Variants in PLPP1 observed in about 807,000 individuals in gnomAD.
PLPP1 encodes the protein lipid phosphate phosphohydrolase 1a.
PLPP1 carries 24 observed loss-of-function variants against 31.2 expected under a neutral mutation model. The observed-to-expected ratio is 0.77, with a 90% CI of 0.56 to 1.08. The LOEUF is 1.08. Among genes scored for constraint, PLPP1 ranks in the 50% least tolerant of loss-of-function variants. PLPP1 has a pLI of 0.00. For missense variants in PLPP1, 319 were observed against 342.7 expected, an observed-to-expected ratio of 0.93 and a Z score of 0.55; for synonymous variants, 146 against 126.3, an observed-to-expected ratio of 1.16 and a Z score of -1.05.
chr5:55,457,387 G>A (rs1321911094), intron 3 of PLPP1, among the ~76,000 whole-genome samples: 1 of 152,018 alleles, frequency 6.6e-6, no homozygotes, highest in Non-Finnish European at 1.5e-5. Context: ...GTATATGGCA[G>A]CCAATTTATA....
At chr5:55,428,388 G>C (rs746001257) in intron 4 of PLPP1, among the ~76,000 whole-genome samples, 1 of 152,156 alleles carries the variant, frequency 6.6e-6, no homozygotes, top group African/African-American at 2.4e-5. Flanking sequence ...TTTCTGTAGA[G>C]CTCAAGAAAG....
At chr5:55,473,160 C>A (rs1171554504) in intron 2 of PLPP1, among the ~76,000 whole-genome samples, 1 of 152,136 alleles carries the variant, frequency 6.6e-6, no homozygotes, top group Non-Finnish European at 1.5e-5. Flanking sequence ...GACCCTACTC[C>A]CTCCTTAATG....
intron 2 of PLPP1, among the ~76,000 whole-genome samples, chr5:55,468,570 G>A (rs1273468425): frequency 1.4e-4 from 22 of 152,136 alleles, no homozygotes; most frequent in Admixed American, 1.4e-3. Context: ...GGGAGCCCGA[G>A]GGAGGTGGAT....
intron 3 of PLPP1, among the ~76,000 whole-genome samples, chr5:55,455,075 G>T (rs1751975153): frequency 6.6e-6 from 1 of 152,108 alleles, no homozygotes; most frequent in South Asian, 2.1e-4. Flanking sequence ...CATATATACT[G>T]CAAGTAAGCA....
chr5:55,439,750 G>A (rs552505191), intron 4 of PLPP1, among the ~76,000 whole-genome samples: 172 of 152,288 alleles, frequency 1.1e-3, no homozygotes, highest in Non-Finnish European at 1.9e-3. Flanking sequence ...TTACACAGAC[G>A]TTAATGGGTG....
chr5:55,459,282 A>C (rs929491749), intron 3 of PLPP1, among the ~76,000 whole-genome samples: 2 of 152,118 alleles, frequency 1.3e-5, no homozygotes, highest in African/African-American at 4.8e-5. Context: ...GCACGGCCAC[A>C]AGATAAAAAA....
In PLPP1 at chr5:55,425,973, G is replaced by GACCAA. The variant is rs1236420071; in HGVS notation, c.611_615dup (p.Ala208LeufsTer24). On this transcript the variant is annotated frameshift_variant, in exon 5 of 6. Coordinates refer to ENST00000307259, the MANE Select transcript of PLPP1 (RefSeq NM_003711.4). LOFTEE classifies it high-confidence loss of function. ...CCCACATAAATGGATACGGCAACAA[G>GACCAA]ACCAAATTGCAGTGTGGGGCGTAAG... 6.2e-7 allele frequency: 1 copy of GACCAA among 1,613,876 alleles called. No individual in the cohort carries two copies. The highest frequency in any genetic ancestry group is 1.1e-5 in the South Asian group (1 of 91,050).
At chr5:55,468,905 C>G (rs1181148539) in intron 2 of PLPP1, among the ~76,000 whole-genome samples, 1 of 152,098 alleles carries the variant, frequency 6.6e-6, no homozygotes, top group Non-Finnish European at 1.5e-5. Flanking sequence ...CTCAAATATT[C>G]CTTTGAATCA....
At chr5:55,493,041 G>A (rs1042902407) in intron 1 of PLPP1, among the ~76,000 whole-genome samples, 4 of 152,128 alleles carry the variant, frequency 2.6e-5, no homozygotes, top group Non-Finnish European at 5.9e-5. Flanking sequence ...GGCTGAGTAC[G>A]GTGGGTCACA....
intron 1 of PLPP1, among the ~76,000 whole-genome samples, chr5:55,533,763 A>G (rs1182582923): frequency 2.0e-5 from 3 of 152,216 alleles, no homozygotes; most frequent in Non-Finnish European, 4.4e-5. Flanking sequence ...TAAAAAGTGA[A>G]AACTACTCCT....
At chr5:55,527,245 G>A (rs1403864029) in intron 1 of PLPP1, among the ~76,000 whole-genome samples, 1 of 152,170 alleles carries the variant, frequency 6.6e-6, no homozygotes, top group Admixed American at 6.5e-5. Flanking sequence ...TATCCTTAAG[G>A]GGTAAAATGA....
chr5:55,491,538 A>G (rs540143840), intron 1 of PLPP1, among the ~76,000 whole-genome samples: 4 of 152,332 alleles, frequency 2.6e-5, no homozygotes, highest in South Asian at 2.1e-4. Context: ...AGTAATTAAT[A>G]TCATAACAAC....
intron 1 of PLPP1, among the ~76,000 whole-genome samples, chr5:55,527,989 C>T (rs1043209355): frequency 6.6e-6 from 1 of 152,130 alleles, no homozygotes; most frequent in Non-Finnish European, 1.5e-5. Flanking sequence ...TAATTCATTT[C>T]CCAGAAGCAC....
chr5:55,500,303 T>A (rs1753111779), intron 1 of PLPP1, among the ~76,000 whole-genome samples: 2 of 152,034 alleles, frequency 1.3e-5, no homozygotes, highest in Admixed American at 1.3e-4. Flanking sequence ...ATGGTCTTGA[T>A]CTCCTGACCT....
At chr5:55,429,693 C>T (rs1448171713) in intron 4 of PLPP1, among the ~76,000 whole-genome samples, 1 of 152,104 alleles carries the variant, frequency 6.6e-6, no homozygotes, top group Non-Finnish European at 1.5e-5. Context: ...CCAACAGCCC[C>T]TGCATATCCA....
intron 2 of PLPP1, among the ~76,000 whole-genome samples, chr5:55,468,764 T>C (rs2111790902): frequency 6.6e-6 from 1 of 152,176 alleles, no homozygotes; most frequent in African/African-American, 2.4e-5. Context: ...GATCATGCCA[T>C]TGTACTCCAG....
chr5:55,465,406 T>C (rs1752267606), intron 3 of PLPP1, among the ~76,000 whole-genome samples: 1 of 152,162 alleles, frequency 6.6e-6, no homozygotes, highest in South Asian at 2.1e-4. Context: ...TTAAAGGTTA[T>C]ATGGTTAAGT....
At chr5:55,522,139 A>G (rs1198644348) in intron 1 of PLPP1, among the ~76,000 whole-genome samples, 5 of 152,338 alleles carry the variant, frequency 3.3e-5, no homozygotes, top group South Asian at 2.1e-4. Context: ...GATTCTAACT[A>G]TATCTGCTAG....
intron 2 of PLPP1, among the ~76,000 whole-genome samples, chr5:55,473,072 G>A (rs988350442): frequency 3.9e-5 from 6 of 152,100 alleles, no homozygotes; most frequent in African/African-American, 1.4e-4. Flanking sequence ...TTGGCTATTT[G>A]CAACTAAAAG....
Sources: gnomAD v4.1 joint callset for allele counts (sites outside exome capture counted in the v4.1 genomes callset) on GRCh38, gnomAD v4.1.1 for gene constraint, MANE v1.5 for transcripts, NCBI Gene and HGNC (gene_info 2026-07-23, HGNC 2026-07-21) for gene names.